Variants in NEBL observed in about 807,000 individuals in gnomAD.
NEBL encodes the protein LIM and SH3 protein 2.
In NEBL, 122 loss-of-function variants were observed where a neutral mutation model predicts 140.2. That is an observed-to-expected ratio of 0.87 (90% confidence interval 0.75 to 1.01). NEBL has a LOEUF of 1.01. NEBL is among the 50% of genes least tolerant of loss of function. The pLI, the probability that NEBL is intolerant of heterozygous loss-of-function variation, is 0.00. For missense variants in NEBL, 1,365 were observed against 1,231.3 expected, an observed-to-expected ratio of 1.11 and a Z score of -1.62; for synonymous variants, 436 against 398.9, an observed-to-expected ratio of 1.09 and a Z score of -1.11.
chr10:21,276,492 C>T (rs571218597), intron 1 of NEBL, among the ~76,000 whole-genome samples: 12 of 152,106 alleles, frequency 7.9e-5, no homozygotes, highest in Non-Finnish European at 1.3e-4. Context: ...CTCTTCTCAC[C>T]AAAACTGAGC....
At chr10:21,125,960 G>T in intron 2 of NEBL, 1 of 1,614,176 alleles carries the variant, frequency 6.2e-7, no homozygotes. Context: ...CAGTTGCCTG[G>T]ATCTGGTTCA....
intron 2 of NEBL, among the ~76,000 whole-genome samples, chr10:21,086,950 T>C (rs1836661635): frequency 6.6e-6 from 1 of 152,064 alleles, no homozygotes; most frequent in African/African-American, 2.4e-5. Context: ...CCAATCCCAA[T>C]CAATTTGGTT....
At chr10:20,915,305 G>A (rs1848500070) in intron 4 of NEBL, among the ~76,000 whole-genome samples, 1 of 151,366 alleles carries the variant, frequency 6.6e-6, no homozygotes, top group Non-Finnish European at 1.5e-5. Context: ...TGCACATTGT[G>A]CAGGTTAGTT....
intron 3 of NEBL, among the ~76,000 whole-genome samples, chr10:21,190,871 A>G (rs1841562839): frequency 1.3e-5 from 2 of 152,168 alleles, no homozygotes; most frequent in African/African-American, 4.8e-5. Context: ...ACTGTATTTT[A>G]TTGTTTGAGG....
intron 5 of NEBL, among the ~76,000 whole-genome samples, chr10:20,873,063 C>T (rs1028846746): frequency 5.9e-5 from 9 of 152,244 alleles, no homozygotes; most frequent in Middle Eastern, 3.4e-3. Flanking sequence ...TGAATCAGGA[C>T]CCGTTTCCTG....
At chr10:21,064,827 G>C (rs918894062) in intron 2 of NEBL, among the ~76,000 whole-genome samples, 1 of 151,952 alleles carries the variant, frequency 6.6e-6, no homozygotes, top group African/African-American at 2.4e-5. Flanking sequence ...TGAGATCTAT[G>C]GTGAGAGGTG....
chr10:20,840,933 C>G, intron 12 of NEBL, 84 bp from the exon 13 acceptor site: 1 of 809,170 alleles, frequency 1.2e-6, no homozygotes, highest in Admixed American at 2.1e-5. Context: ...CTAGAGATCA[C>G]AGAAATGAGA....
chr10:20,949,322 G>T (rs1835333106), intron 4 of NEBL, among the ~76,000 whole-genome samples: 1 of 152,116 alleles, frequency 6.6e-6, no homozygotes, highest in Non-Finnish European at 1.5e-5. Context: ...CGGAGGAAGA[G>T]CATTAGGACA....
At chr10:21,243,298 C>CTTTT (rs34974511) in intron 3 of NEBL, among the ~76,000 whole-genome samples, 11 of 122,548 alleles carry the variant, frequency 9.0e-5, no homozygotes, top group Non-Finnish European at 1.4e-4. Context: ...ATTGAGCATT[C>CTTTT]TTTTTTTTTT....
At chr10:21,160,171 T>C (rs1840497943) in intron 2 of NEBL, among the ~76,000 whole-genome samples, 3 of 152,096 alleles carry the variant, frequency 2.0e-5, no homozygotes, top group Non-Finnish European at 4.4e-5. Flanking sequence ...CCCTGTTATA[T>C]ACTCATCACT....
chr10:21,028,707 A>G (rs1406810082), intron 2 of NEBL, among the ~76,000 whole-genome samples: 2 of 152,202 alleles, frequency 1.3e-5, no homozygotes, highest in African/African-American at 4.8e-5. Context: ...GATTACATAA[A>G]TTCAAATCCT....
At chr10:21,020,223 G>T (rs756354757) in intron 2 of NEBL, 2 of 1,592,414 alleles carry the variant, frequency 1.3e-6, no homozygotes, top group African/African-American at 2.7e-5. Flanking sequence ...TTTTTTAAAA[G>T]GACATAATTA....
intron 2 of NEBL, among the ~76,000 whole-genome samples, chr10:21,094,693 G>T (rs1837099378): frequency 6.6e-6 from 1 of 152,144 alleles, no homozygotes; most frequent in East Asian, 1.9e-4. Context: ...GGCTAAAGAA[G>T]ACCAGAAGTC....
At chr10:21,234,819 G>A (rs2132258364) in intron 3 of NEBL, among the ~76,000 whole-genome samples, 1 of 151,884 alleles carries the variant, frequency 6.6e-6, no homozygotes, top group South Asian at 2.1e-4. Context: ...CTGCCCTGAA[G>A]TTTCAGAACA....
intron 4 of NEBL, among the ~76,000 whole-genome samples, chr10:20,906,346 T>C (rs1848092355): frequency 6.6e-6 from 1 of 152,146 alleles, no homozygotes; most frequent in Non-Finnish European, 1.5e-5. Flanking sequence ...CATGATTTCA[T>C]CCCACTTTAA....
At chr10:20,792,667 G>T (rs1347258133) in intron 26 of NEBL, among the ~76,000 whole-genome samples, 1 of 152,106 alleles carries the variant, frequency 6.6e-6, no homozygotes, top group Non-Finnish European at 1.5e-5. Flanking sequence ...GGGCTTGGTG[G>T]CAGGTACCTG....
rs958608853 is a variant in NEBL, at chr10:20,789,876, T to C, written c.2762-2568A>G. Among the ~76,000 whole-genome samples, 3 of 147,078 alleles carry C rather than the reference T, an allele frequency of 2.0e-5. No homozygotes were observed. The East Asian group carries it at 5.9e-4, about 29-fold the overall frequency. ...TTTTATATATATATATACATACACA[T>C]ACACACACACATATATATATGTATA... On this transcript the variant is annotated intron_variant, in intron 26 of 27. Transcript: ENST00000377122.
intron 2 of NEBL, among the ~76,000 whole-genome samples, chr10:21,053,064 T>C (rs1266323521): frequency 1.3e-5 from 2 of 152,230 alleles, no homozygotes; most frequent in Non-Finnish European, 2.9e-5. Context: ...AATGCCTTGA[T>C]TTGATCACTA....
At chr10:21,052,972 C>T (rs187548788) in intron 2 of NEBL, among the ~76,000 whole-genome samples, 3 of 152,202 alleles carry the variant, frequency 2.0e-5, no homozygotes, top group African/African-American at 7.2e-5. Context: ...ATAGTCACAA[C>T]AATATATTGT....
Sources: allele counts gnomAD v4.1 joint callset (sites outside exome capture counted in the v4.1 genomes callset), GRCh38; gene constraint gnomAD v4.1.1; transcripts MANE v1.5; gene names NCBI Gene and HGNC (gene_info 2026-07-23, HGNC 2026-07-21).